DGKD: variants seen among roughly 807,000 people sequenced by gnomAD.
DGKD encodes diacylglycerol kinase delta.
Under a neutral mutation model 154.4 loss-of-function variants are expected in DGKD, and 68 were observed. The ratio of observed to expected loss-of-function variants is 0.44; its 90% confidence interval spans 0.36 to 0.54. The LOEUF (loss-of-function observed/expected upper bound fraction) is 0.54, where lower values mean the gene tolerates loss of function less well. Among genes scored for constraint, DGKD ranks in the 20% least tolerant of loss-of-function variants. The pLI, the probability that DGKD is intolerant of heterozygous loss-of-function variation, is 0.00. For missense variants in DGKD, 1,343 were observed against 1,593.6 expected, an observed-to-expected ratio of 0.84 and a Z score of 2.68; for synonymous variants, 693 against 638.0, an observed-to-expected ratio of 1.09 and a Z score of -1.30.
At chr2:233,417,134 C>T (rs1288630299) in intron 3 of DGKD, among the ~76,000 whole-genome samples, 1 of 152,110 alleles carries the variant, frequency 6.6e-6, no homozygotes, top group African/African-American at 2.4e-5. Context: ...CTGGGTTCAA[C>T]TGATTCTCCC....
At chr2:233,460,721 T>C (rs948887527) in intron 24 of DGKD, among the ~76,000 whole-genome samples, 3 of 152,072 alleles carry the variant, frequency 2.0e-5, no homozygotes, top group African/African-American at 7.2e-5. Context: ...AAACCCCGTC[T>C]CTACTAAAAA....
intron 10 of DGKD, among the ~76,000 whole-genome samples, chr2:233,442,893 C>T (rs368212636): frequency 4.9e-4 from 74 of 151,276 alleles, no homozygotes; most frequent in African/African-American, 1.4e-3. Flanking sequence ...CATGAGCCAC[C>T]GCGCCCGGCC....
rs1005420712 is a variant in DGKD at position 233,470,176 on chromosome 2, C to T, written c.*716C>T. 6.6e-6 allele frequency: 1 copy of T among 152,636 alleles called. No homozygotes were observed. The highest frequency in any genetic ancestry group is 1.5e-5 in the Non-Finnish European group (1 of 68,254). The allele number at this position is 152,636 out of a possible 1,614,324, so 9.5% of individuals were successfully genotyped here. Reference sequence around the variant, plus strand: ...TCTCTCCTCCCGCTCCTCCCTCCCCCCACTGTGGGCTGGGGACGCCTGCCC... The same window carrying T: ...TCTCTCCTCCCGCTCCTCCCTCCCCTCACTGTGGGCTGGGGACGCCTGCCC... On this transcript the variant is annotated 3_prime_UTR_variant, in exon 30 of 30. Coordinates refer to ENST00000264057, the MANE Select transcript of DGKD (RefSeq NM_152879.3).
In DGKD at chr2:233,457,492, C is replaced by T. The variant is rs1220595172; in HGVS notation, c.2580+164C>T. 1.2e-5 allele frequency: 8 copies of T among 694,964 alleles called. No individual in the cohort carries two copies. Among genetic ancestry groups the T allele is most frequent in the South Asian group, 3.0e-5 (2 of 67,190 alleles). 43.0% of individuals were successfully genotyped at this position (694,964 alleles called of 1,614,324 possible). On this transcript the variant is annotated intron_variant, in intron 21 of 29. Coordinates refer to ENST00000264057, the MANE Select transcript of DGKD (RefSeq NM_152879.3). This position sits in a 1 kb window ranked among gnomAD's most constrained non-coding sequence, Gnocchi z 5.5. ...AGACAGGGTCCCCCACCCAGCTCAT[C>T]GTCTAGAGGGCTGAGCAGAGCAGTT... is the stretch of plus-strand genomic sequence containing the variant.
rs759975026 is a variant in DGKD at position 233,388,339 on chromosome 2, G to T, written c.239G>T (p.Arg80Leu). The change falls in exon 2 of 30, where the codon CGA becomes CTA. Residue 80 changes from arginine (R) to leucine (L), a missense_variant. Arg to Leu is a moderately radical substitution (Grantham distance 102, BLOSUM62 -2). This residue lies in a region of DGKD where 332 missense variants were observed against 400.1 expected (regional missense o/e 0.83). Coordinates refer to ENST00000264057, the MANE Select transcript of DGKD (RefSeq NM_152879.3). Reference sequence around the variant, plus strand: ...AGGAGATACTTTAAGCTTCGAGGGCGAACGCTTTACTATGCCAAAACGGCA... The same window carrying T: ...AGGAGATACTTTAAGCTTCGAGGGCTAACGCTTTACTATGCCAAAACGGCA... ...SKRRYFKLRG[R>L]TLYYAKTAKS... 3 of 1,613,902 alleles carry T rather than the reference G, an allele frequency of 1.9e-6. No individual in the cohort carries two copies. The highest frequency in any genetic ancestry group is 1.1e-5 in the South Asian group (1 of 91,038).
In DGKD at chr2:233,423,774, C is replaced by G. The variant is rs77004991; in HGVS notation, c.349-10606C>G. On this transcript the variant is annotated intron_variant, in intron 3 of 29. Transcript: ENST00000264057. Reference sequence around the variant, plus strand: ...GACTGCCCCCTTCCTGGATCCTTGGCCTGGAAGAGCAGGCTTTTGTTGGGG... The same window carrying G: ...GACTGCCCCCTTCCTGGATCCTTGGGCTGGAAGAGCAGGCTTTTGTTGGGG... 5.5e-3 allele frequency among the ~76,000 whole-genome samples: 836 copies of G among 152,178 alleles called. 10 individuals carry two copies. The highest frequency in any genetic ancestry group is 0.019 in the African/African-American group (771 of 41,492).
chr2:233,418,040 A>G (rs573462097), intron 3 of DGKD, among the ~76,000 whole-genome samples: 51 of 152,352 alleles, frequency 3.3e-4, no homozygotes, highest in Admixed American at 2.9e-3. Flanking sequence ...ATTATTAAAT[A>G]CACTTTAGTT....
At position 233,471,247 on chromosome 2, in the gene DGKD, TTGG is replaced by T. The variant is rs2064006269; in HGVS notation, c.*1791_*1793del. The T allele has an allele frequency of 6.6e-6, 1 of 152,416 alleles. No homozygotes were observed. Among genetic ancestry groups the T allele is most frequent in the African/African-American group, 2.4e-5 (1 of 41,474 alleles). 9.4% of individuals were successfully genotyped at this position (152,416 alleles called of 1,614,324 possible). A position where few individuals can be genotyped will look rare whatever the true frequency, so the allele number is the denominator to read the frequency against. ...GGATGAAAGACTCTCCCACGCTCTG[TTGG>T]TGGACTTAGCTGCCTCACTGGAAGT... On this transcript the variant is annotated 3_prime_UTR_variant, in exon 30 of 30. Coordinates refer to ENST00000264057, the MANE Select transcript of DGKD (RefSeq NM_152879.3).
At chr2:233,431,969 A>C (rs1443787351) in intron 3 of DGKD, among the ~76,000 whole-genome samples, 5 of 152,258 alleles carry the variant, frequency 3.3e-5, no homozygotes, top group Non-Finnish European at 7.3e-5. Context: ...AAATGGTTAA[A>C]GCTCCTGCAT....
intron 28 of DGKD, among the ~76,000 whole-genome samples, 170 bp from the exon 29 acceptor site, chr2:233,468,253 C>T (rs185548754): frequency 2.1e-4 from 27 of 130,458 alleles, no homozygotes; most frequent in African/African-American, 8.9e-4. Flanking sequence ...TCTCGGGTGC[C>T]GGCTGCTGGG....
intron 1 of DGKD, among the ~76,000 whole-genome samples, chr2:233,385,518 T>C (rs1460208870): frequency 6.6e-6 from 1 of 152,182 alleles, no homozygotes; most frequent in Non-Finnish European, 1.5e-5. Flanking sequence ...TTGGCCCTTT[T>C]GTTTGTGCAT....
intron 1 of DGKD, among the ~76,000 whole-genome samples, chr2:233,383,341 C>T (rs375664671): frequency 2.6e-5 from 4 of 152,114 alleles, no homozygotes; most frequent in Non-Finnish European, 4.4e-5. Flanking sequence ...GCGCCCAGCC[C>T]GTTCCATGGG....
chr2:233,421,831 CT>C, intron 3 of DGKD, among the ~76,000 whole-genome samples: 1 of 152,362 alleles, frequency 6.6e-6, no homozygotes, highest in East Asian at 1.9e-4. Flanking sequence ...TCAAATGTAA[CT>C]TCCGCAGGAG....
intron 1 of DGKD, among the ~76,000 whole-genome samples, chr2:233,378,529 C>T (rs1024161867): frequency 5.3e-5 from 8 of 152,016 alleles, no homozygotes; most frequent in African/African-American, 1.9e-4. Context: ...GGATTACAGG[C>T]GTGATCCACT....
chr2:233,385,172 C>T (rs1240167873), intron 1 of DGKD, among the ~76,000 whole-genome samples: 1 of 152,160 alleles, frequency 6.6e-6, no homozygotes, highest in Non-Finnish European at 1.5e-5. Flanking sequence ...CAAGGACATT[C>T]TCAGAGCTGT....
chr2:233,412,159 TG>T (rs1559516667), intron 3 of DGKD, among the ~76,000 whole-genome samples: 1 of 152,222 alleles, frequency 6.6e-6, no homozygotes, highest in Non-Finnish European at 1.5e-5. Flanking sequence ...GCTAGAATTT[TG>T]TTTGAGATTG....
At chr2:233,464,340 AGTGCCTGT>A in intron 27 of DGKD, 57 bp downstream of exon 27, 1 of 1,598,712 alleles carries the variant, frequency 6.3e-7, no homozygotes, top group Admixed American at 1.7e-5. Flanking sequence ...TCTCGCCTGA[AGTGCCTGT>A]GTTCCTTGTG....
rs572038101 is a variant in DGKD, at chr2:233,445,407, T to C, written c.1195-216T>C. On this transcript the variant is annotated intron_variant, in intron 10 of 29. Coordinates refer to ENST00000264057, the MANE Select transcript of DGKD (RefSeq NM_152879.3). The surrounding 1 kb of genome is among the most constrained non-coding windows in gnomAD (Gnocchi z 5.5). ...CATTTCTCCCAGAAGCAGCATCTTATCTCAAGGGCAGTCATGTTTCTGTCT... is the reference window on the plus strand; with the variant it reads ...CATTTCTCCCAGAAGCAGCATCTTACCTCAAGGGCAGTCATGTTTCTGTCT... Among the ~76,000 whole-genome samples, 3 of 152,228 alleles carry C rather than the reference T, an allele frequency of 2.0e-5. No homozygotes were observed. The highest frequency in any genetic ancestry group is 4.2e-4 in the South Asian group (2 of 4,800).
intron 18 of DGKD, among the ~76,000 whole-genome samples, chr2:233,453,534 T>C (rs1385526513): frequency 6.6e-6 from 1 of 152,268 alleles, no homozygotes; most frequent in Non-Finnish European, 1.5e-5. Flanking sequence ...CACATGCTGG[T>C]TGTTCTCAGA....
Sources: gnomAD v4.1 joint callset for allele counts (sites outside exome capture counted in the v4.1 genomes callset) on GRCh38, gnomAD v4.1.1 for gene constraint, gnomAD v4.1.1 regional missense constraint, Gnocchi (gnomAD v3.1) non-coding constraint, MANE v1.5 for transcripts, NCBI Gene and HGNC (gene_info 2026-07-23, HGNC 2026-07-21) for gene names.